The following ST6GALNAC3 variants were observed in gnomAD, a reference collection of about 807,000 sequenced individuals.
ST6GALNAC3 encodes the protein ST6 N-acetylgalactosaminide alpha-2,6-sialyltransferase 3, also known as alpha-N-acetylgalactosaminide alpha-2,6-sialyltransferase 3.
A neutral mutation model predicts 32.7 loss-of-function variants in ST6GALNAC3; 25 were observed. The observed-to-expected ratio is 0.76, with a 90% confidence interval of 0.56 to 1.07. The LOEUF (loss-of-function observed/expected upper bound fraction) is 1.07. ST6GALNAC3 is among the 50% of genes least tolerant of loss of function. The probability of loss-of-function intolerance (pLI) is 0.00; values close to 1 mark genes in which losing one functional copy is unlikely to be tolerated. For synonymous variants in ST6GALNAC3, 129 were observed against 133.1 expected (o/e 0.97, Z 0.21); for missense variants, 355 against 382.4 (o/e 0.93, Z 0.60).
intron 2 of ST6GALNAC3, among the ~76,000 whole-genome samples, chr1:76,333,171 T>A (rs1647231257): frequency 6.6e-6 from 1 of 152,156 alleles, no homozygotes; most frequent in Non-Finnish European, 1.5e-5. Flanking sequence ...GAAAATGAGA[T>A]CAGATTTGTA....
Position 76,632,353 on chromosome 1 carries a change from G to C in ST6GALNAC3, c.*3547G>C, listed in dbSNP as rs542489667. ...GCCACAGTTGTCACAAATCAGACTT[G>C]TAAGTATAGCAATCTGTATTGTAGG... On this transcript the variant is annotated 3_prime_UTR_variant, in exon 5 of 5. Transcript: ENST00000328299. 34 of 152,246 alleles carry C rather than the reference G, an allele frequency of 2.2e-4. No individual in the cohort carries two copies. The highest frequency in any genetic ancestry group is 8.2e-4 in the African/African-American group (34 of 41,548). 9.4% of individuals were successfully genotyped at this position (152,246 alleles called of 1,614,324 possible). A position where few individuals can be genotyped will look rare whatever the true frequency, so the allele number is the denominator to read the frequency against.
At chr1:76,444,598 A>T (rs1170037665) in intron 3 of ST6GALNAC3, among the ~76,000 whole-genome samples, 1 of 152,180 alleles carries the variant, frequency 6.6e-6, no homozygotes, top group African/African-American at 2.4e-5. Flanking sequence ...GTACCTAGGG[A>T]TGTCCTTTAC....
chr1:76,204,696 G>C (rs144609277), intron 1 of ST6GALNAC3, among the ~76,000 whole-genome samples: 75 of 152,160 alleles, frequency 4.9e-4, no homozygotes, highest in African/African-American at 1.8e-3. Flanking sequence ...ATGGGATGTG[G>C]GGAATATTTG....
At chr1:76,325,637 G>A (rs1424281761) in intron 2 of ST6GALNAC3, among the ~76,000 whole-genome samples, 1 of 150,084 alleles carries the variant, frequency 6.7e-6, no homozygotes, top group Non-Finnish European at 1.5e-5. Context: ...AGAGCTCACA[G>A]GACAATATTT....
chr1:76,192,335 C>A (rs920947190), intron 1 of ST6GALNAC3, among the ~76,000 whole-genome samples: 2 of 152,160 alleles, frequency 1.3e-5, no homozygotes, highest in Admixed American at 6.5e-5. Flanking sequence ...TAGTCCTGAA[C>A]TGAGATTGGT....
rs950065737 is a variant in ST6GALNAC3 at position 76,631,594 on chromosome 1, T to A, written c.*2788T>A. On this transcript the variant is annotated 3_prime_UTR_variant, in exon 5 of 5. Transcript: ENST00000328299. The stretch of plus-strand genomic sequence containing the variant: ...TCAATTCCCACAGATTCTGGTCAAA[T>A]GAAAGATATTCTATCCAACATTTAA... 3.9e-5 allele frequency: 6 copies of A among 152,104 alleles called. No homozygotes were observed. The highest frequency in any genetic ancestry group is 2.6e-4 in the Admixed American group (4 of 15,246). 9.4% of individuals were successfully genotyped at this position (152,104 alleles called of 1,614,324 possible).
chr1:76,487,122 T>A lies in ST6GALNAC3; in HGVS notation c.623+74705T>A, dbSNP rs1194968306. Among the ~76,000 whole-genome samples the A allele has an allele frequency of 2.0e-5, 3 of 152,212 alleles. No homozygotes were observed. In the East Asian group the frequency reaches 5.8e-4, roughly 29 times the overall value. On this transcript the variant is annotated intron_variant, in intron 3 of 4. Transcript: ENST00000328299. ...TGTTAGTCTGATAGCCTTCCCTTTG[T>A]GGGTAACCCGACCTTTCTCTCTGGC...
intron 2 of ST6GALNAC3, among the ~76,000 whole-genome samples, chr1:76,384,152 T>G (rs1651922063): frequency 6.6e-6 from 1 of 152,088 alleles, no homozygotes; most frequent in African/African-American, 2.4e-5. Flanking sequence ...AGAGACATAC[T>G]CTTAAATATC....
intron 3 of ST6GALNAC3, among the ~76,000 whole-genome samples, chr1:76,555,839 T>G (rs1211574988): frequency 6.6e-6 from 1 of 152,120 alleles, no homozygotes; most frequent in African/African-American, 2.4e-5. Context: ...AATAAGAAAT[T>G]CTGGGGTTAG....
rs1570611819 is a variant in ST6GALNAC3 at position 76,260,893 on chromosome 1, G to A, written c.19-52912G>A. 2.6e-5 allele frequency among the ~76,000 whole-genome samples: 4 copies of A among 151,642 alleles called. No individual in the cohort carries two copies. The East Asian group carries it at 7.8e-4, about 29-fold the overall frequency. On this transcript the variant is annotated intron_variant, in intron 1 of 4. Coordinates refer to ENST00000328299, the MANE Select transcript of ST6GALNAC3 (RefSeq NM_152996.4). ...CATCCGTCCAAGTTAATAAATATGT[G>A]CCTTTTTTAAAAAATAGAAAAAAGT...
At chr1:76,263,181 A>G (rs1658341482) in intron 1 of ST6GALNAC3, among the ~76,000 whole-genome samples, 1 of 152,180 alleles carries the variant, frequency 6.6e-6, no homozygotes, top group South Asian at 2.1e-4. Context: ...CTACTGTTTA[A>G]CTGTGTAAAC....
intron 3 of ST6GALNAC3, among the ~76,000 whole-genome samples, chr1:76,518,110 G>A (rs944622396): frequency 6.6e-6 from 1 of 151,918 alleles, no homozygotes; most frequent in Non-Finnish European, 1.5e-5. Context: ...AAATACAACA[G>A]TGAACTTGTT....
chr1:76,397,056 TA>T (rs1158584691), intron 2 of ST6GALNAC3, among the ~76,000 whole-genome samples: 1 of 152,102 alleles, frequency 6.6e-6, no homozygotes, highest in Non-Finnish European at 1.5e-5. Flanking sequence ...CCATAATATC[TA>T]GAAGAAGATT....
At chr1:76,341,149 A>G (rs774133240) in intron 2 of ST6GALNAC3, among the ~76,000 whole-genome samples, 1 of 151,744 alleles carries the variant, frequency 6.6e-6, no homozygotes, top group Non-Finnish European at 1.5e-5. Context: ...CTGTTACCCA[A>G]GTAGTGAATA....
chr1:76,156,107 G>A (rs902198046), intron 1 of ST6GALNAC3, among the ~76,000 whole-genome samples: 3 of 87,866 alleles, frequency 3.4e-5, no homozygotes, highest in Non-Finnish European at 8.9e-5. Flanking sequence ...TTTGTCTAAG[G>A]TTTTCTAATA....
chr1:76,393,660 A>G (rs1432938995), intron 2 of ST6GALNAC3, among the ~76,000 whole-genome samples: 1 of 152,222 alleles, frequency 6.6e-6, no homozygotes, highest in Non-Finnish European at 1.5e-5. Flanking sequence ...ATGATTCTAT[A>G]AGTCCTGAAG....
Position 76,275,194 on chromosome 1 carries a change from T to A in ST6GALNAC3, c.19-38611T>A, listed in dbSNP as rs568123809. On this transcript the variant is annotated intron_variant, in intron 1 of 4. Coordinates refer to ENST00000328299, the MANE Select transcript of ST6GALNAC3 (RefSeq NM_152996.4). ...TATGCTAAGGTGCAATATGAATCAA[T>A]AAGCACAAGTTGTAGCACACAACAT... Among the ~76,000 whole-genome samples the A allele has an allele frequency of 2.0e-5, 3 of 152,306 alleles. No homozygotes were observed. In the South Asian group the frequency reaches 6.2e-4, roughly 32 times the overall value.
chr1:76,302,569 T>C (rs1188462722), intron 1 of ST6GALNAC3, among the ~76,000 whole-genome samples: 1 of 152,062 alleles, frequency 6.6e-6, no homozygotes, highest in Non-Finnish European at 1.5e-5. Flanking sequence ...TGGTCTCTTA[T>C]AGCTGATGAA....
intron 2 of ST6GALNAC3, among the ~76,000 whole-genome samples, chr1:76,399,852 C>G (rs1460750819): frequency 6.6e-6 from 1 of 152,054 alleles, no homozygotes; most frequent in African/African-American, 2.4e-5. Flanking sequence ...TAATGAATGG[C>G]ATCTTTTCTT....
Sources: allele counts gnomAD v4.1 joint callset (sites outside exome capture counted in the v4.1 genomes callset), GRCh38; gene constraint gnomAD v4.1.1; transcripts MANE v1.5; gene names NCBI Gene and HGNC (gene_info 2026-07-23, HGNC 2026-07-21).